The following PLSCR2 variants were observed in gnomAD, a reference collection of about 807,000 sequenced individuals.
PLSCR2 encodes PL scramblase 2.
A neutral mutation model predicts 25.3 loss-of-function variants in PLSCR2; 18 were observed. The observed-to-expected ratio is 0.71, with a 90% CI of 0.49 to 1.06. PLSCR2 has a LOEUF of 1.06. PLSCR2 is among the 50% of genes least tolerant of loss of function. The probability of loss-of-function intolerance (pLI) is 0.00; values close to 1 mark genes in which losing one functional copy is unlikely to be tolerated. For missense variants in PLSCR2, 243 were observed against 269.5 expected, an observed-to-expected ratio of 0.90 and a Z score of 0.69; for synonymous variants, 88 against 87.3, an observed-to-expected ratio of 1.01 and a Z score of -0.04.
At chr3:146,425,199 C>T (rs987110301) in intron 2 of PLSCR2, among the ~76,000 whole-genome samples, 1 of 151,956 alleles carries the variant, frequency 6.6e-6, no homozygotes, top group Admixed American at 6.6e-5. Flanking sequence ...GCAAGGGATC[C>T]CCTGAAATGA....
intron 2 of PLSCR2, among the ~76,000 whole-genome samples, chr3:146,412,404 C>G (rs1014932523): frequency 6.6e-6 from 1 of 152,116 alleles, no homozygotes; most frequent in Non-Finnish European, 1.5e-5. Flanking sequence ...CATGGCTCCA[C>G]AGCTCATTTG....
At chr3:146,483,483 A>ACACGTG (rs2043225408) in intron 1 of PLSCR2, among the ~76,000 whole-genome samples, 2 of 81,204 alleles carry the variant, frequency 2.5e-5, no homozygotes, top group African/African-American at 1.1e-4. Flanking sequence ...ACATGTGTAT[A>ACACGTG]TATATATATA....
At chr3:146,438,872 A>G (rs2040053924), downstream of PLSCR2, among the ~76,000 whole-genome samples, 2 of 152,136 alleles carry the variant, frequency 1.3e-5, no homozygotes, top group Admixed American at 6.5e-5. Context: ...CCTAGTATCA[A>G]TGGTCTTTAT....
downstream of PLSCR2, among the ~76,000 whole-genome samples, chr3:146,431,884 T>C (rs893393450): frequency 6.6e-6 from 1 of 152,206 alleles, no homozygotes. Flanking sequence ...AAAAAGACTT[T>C]ATTATCTTCT....
At chr3:146,489,164 T>G (rs897406458) in intron 1 of PLSCR2, among the ~76,000 whole-genome samples, 7 of 151,832 alleles carry the variant, frequency 4.6e-5, no homozygotes, top group Non-Finnish European at 8.8e-5. Flanking sequence ...TGGGGCATGT[T>G]GGGGCAGTAG....
chr3:146,450,366 G>C (rs1042959260), intron 5 of PLSCR2, among the ~76,000 whole-genome samples: 1 of 152,280 alleles, frequency 6.6e-6, no homozygotes, highest in South Asian at 2.1e-4. Flanking sequence ...TTAGAGTGTT[G>C]GTGAAAAGGT....
intron 2 of PLSCR2, chr3:146,401,403 T>C (rs369806140): frequency 2.0e-5 from 3 of 152,494 alleles, no homozygotes; most frequent in African/African-American, 7.2e-5. Context: ...AGCAAGTACA[T>C]CTCTACCTAC....
chr3:146,420,137 A>G (rs1245507558), intron 2 of PLSCR2, among the ~76,000 whole-genome samples: 1 of 152,070 alleles, frequency 6.6e-6, no homozygotes, highest in Non-Finnish European at 1.5e-5. Context: ...GATTGTTGCA[A>G]GCCTTTGGTT....
upstream of PLSCR2, among the ~76,000 whole-genome samples, chr3:146,460,885 G>T (rs1016773681): frequency 6.6e-6 from 1 of 152,070 alleles, no homozygotes; most frequent in Non-Finnish European, 1.5e-5. Context: ...CCTTGATATT[G>T]TTCTTAAAAC....
rs997317254 is a variant in PLSCR2, at chr3:146,420,201, G to T, written c.101-24280C>A. On this transcript the variant is annotated intron_variant and NMD_transcript_variant, in intron 2 of 3. Transcript: ENST00000463633. ...GACAAGTTTTACCAGTATTCTGATT[G>T]CTTTTATAGAGGAGTAGATTTTCAG... Among the ~76,000 whole-genome samples the T allele has an allele frequency of 2.6e-5, 4 of 151,928 alleles. No homozygotes were observed. The South Asian group carries it at 8.3e-4, about 31-fold the overall frequency.
intron 8 of PLSCR2, 110 bp from the exon 8 acceptor site, chr3:146,433,627 A>T (rs1441028115): frequency 6.6e-6 from 1 of 152,148 alleles, no homozygotes; most frequent in African/African-American, 2.4e-5. Context: ...CATATTTGCA[A>T]GCCCTCCCCT....
chr3:146,466,846 CCA>C (rs2041894779), intron 1 of PLSCR2, among the ~76,000 whole-genome samples: 3 of 152,132 alleles, frequency 2.0e-5, no homozygotes, highest in Admixed American at 2.0e-4. Context: ...ACAAAAAACC[CCA>C]CATTCTCCCA....
intron 1 of PLSCR2, chr3:146,495,833 G>C (rs535640940): frequency 1.6e-6 from 2 of 1,276,252 alleles, no homozygotes; most frequent in South Asian, 1.3e-5. Context: ...GGAGTATGTA[G>C]TAGTTATAGA....
intron 1 of PLSCR2, among the ~76,000 whole-genome samples, chr3:146,490,161 C>T (rs1275136759): frequency 6.6e-6 from 1 of 151,992 alleles, no homozygotes; most frequent in Non-Finnish European, 1.5e-5. Flanking sequence ...GCTCCCAAAA[C>T]ACAATAATGG....
At chr3:146,477,790 C>T (rs1283979486) in intron 1 of PLSCR2, among the ~76,000 whole-genome samples, 1 of 152,226 alleles carries the variant, frequency 6.6e-6, no homozygotes. Context: ...TCAAGTGAGT[C>T]TCTGACCCTC....
At chr3:146,491,290 G>A (rs542542935) in intron 1 of PLSCR2, among the ~76,000 whole-genome samples, 51 of 151,352 alleles carry the variant, frequency 3.4e-4, no homozygotes, top group Non-Finnish European at 5.2e-4. Flanking sequence ...TTTTTTGTTG[G>A]TTTGTTTGCA....
At chr3:146,491,865 A>G (rs1391764103) in intron 1 of PLSCR2, among the ~76,000 whole-genome samples, 1 of 152,170 alleles carries the variant, frequency 6.6e-6, no homozygotes, top group Non-Finnish European at 1.5e-5. Context: ...GTGACCAAGA[A>G]CCAGGAGCTA....
At chr3:146,468,949 TG>T (rs2041988938) in intron 1 of PLSCR2, among the ~76,000 whole-genome samples, 2 of 152,158 alleles carry the variant, frequency 1.3e-5, no homozygotes, top group Non-Finnish European at 2.9e-5. Flanking sequence ...AGTCCACAGA[TG>T]TGAAGCAGTA....
chr3:146,415,522 A>G (rs2038981507), intron 2 of PLSCR2, among the ~76,000 whole-genome samples: 1 of 152,110 alleles, frequency 6.6e-6, no homozygotes, highest in African/African-American at 2.4e-5. Context: ...ATATTTTAAT[A>G]TAGTTTTTAC....
Sources: allele counts gnomAD v4.1 joint callset (sites outside exome capture counted in the v4.1 genomes callset), GRCh38; gene constraint gnomAD v4.1.1; transcripts MANE v1.5; gene names NCBI Gene and HGNC (gene_info 2026-07-23, HGNC 2026-07-21).